ARHGAP17: variants seen among roughly 807,000 people sequenced by gnomAD.
ARHGAP17 encodes Rho GTPase activating protein 17, also known as rho GTPase-activating protein 17.
ARHGAP17 carries 57 observed loss-of-function variants against 99.5 expected under a neutral mutation model. The ratio of observed to expected loss-of-function variants is 0.57; its 90% confidence interval spans 0.46 to 0.71. ARHGAP17 has a LOEUF of 0.71. ARHGAP17 is among the 30% of genes least tolerant of loss of function. ARHGAP17 has a pLI of 0.00. For synonymous variants in ARHGAP17, 417 were observed against 429.6 expected (o/e 0.97, Z 0.36); for missense variants, 1,000 against 1,122.4 (o/e 0.89, Z 1.56).
chr16:24,967,353 G>A (rs866457580), intron 6 of ARHGAP17, among the ~76,000 whole-genome samples: 15 of 152,212 alleles, frequency 9.9e-5, no homozygotes, highest in Non-Finnish European at 1.6e-4. Context: ...ACAACAGGGA[G>A]CAACTGGGTT....
At position 24,935,487 on chromosome 16, in the gene ARHGAP17, G is replaced by C. The variant is rs773078183; in HGVS notation, c.1877C>G (p.Pro626Arg). 6.2e-7 allele frequency: 1 copy of C among 1,605,362 alleles called. No homozygotes were observed. The highest frequency in any genetic ancestry group is 8.5e-7 in the Non-Finnish European group (1 of 1,175,950). ...GQPHNAAGPS[P>R]HTLRRAVKKP... is the part of the protein sequence containing the mutation. ...CTGCTTACCTCGGCGCAGTGTATGC[G>C]GGCTGGGCCCTGCAGCATTGTGAGG... The change falls in exon 18 of 20, where the codon CCG becomes CGG. Residue 626 changes from proline to arginine, a missense_variant. By Grantham distance (103) the Pro-to-Arg change is moderately radical. Coordinates refer to ENST00000289968, the MANE Select transcript of ARHGAP17 (RefSeq NM_001006634.3).
chr16:24,972,952 T>A (rs72772303), intron 3 of ARHGAP17, among the ~76,000 whole-genome samples: 2 of 142,706 alleles, frequency 1.4e-5, no homozygotes, highest in African/African-American at 5.2e-5. Flanking sequence ...TTTTTTTTTT[T>A]AAGACAGGGT....
chr16:24,980,974 G>A (rs1359144728), intron 1 of ARHGAP17, among the ~76,000 whole-genome samples: 3 of 152,154 alleles, frequency 2.0e-5, no homozygotes, highest in Non-Finnish European at 4.4e-5. Flanking sequence ...CTGAGAATCA[G>A]AACAAATATG....
At chr16:24,978,024 C>G (rs904732224) in intron 2 of ARHGAP17, among the ~76,000 whole-genome samples, 13 of 152,152 alleles carry the variant, frequency 8.5e-5, no homozygotes, top group African/African-American at 2.7e-4. Flanking sequence ...CTCAAAAGGG[C>G]AGCGTTTCTT....
intron 18 of ARHGAP17, among the ~76,000 whole-genome samples, chr16:24,932,502 A>G (rs377076101): frequency 1.2e-4 from 18 of 152,034 alleles, no homozygotes; most frequent in African/African-American, 4.3e-4. Context: ...ACCAAGCATG[A>G]CTAGTTCACC....
intron 1 of ARHGAP17, among the ~76,000 whole-genome samples, chr16:25,007,030 C>T (rs2141518332): frequency 6.6e-6 from 1 of 152,302 alleles, no homozygotes; most frequent in African/African-American, 2.4e-5. Context: ...CCCAATGTTA[C>T]TTCAGATCAC....
chr16:24,954,846 G>C, intron 9 of ARHGAP17, 116 bp from the exon 10 acceptor site: 2 of 1,388,180 alleles, frequency 1.4e-6, no homozygotes, highest in Non-Finnish European at 2.0e-6. Context: ...GGCTGTGCAA[G>C]AGGGGATACA....
At chr16:24,984,311 A>C (rs181989557) in intron 1 of ARHGAP17, among the ~76,000 whole-genome samples, 398 of 152,278 alleles carry the variant, frequency 2.6e-3, no homozygotes, top group Non-Finnish European at 4.4e-3. Context: ...ATGAGGGCAG[A>C]GAGAGAGCTC....
chr16:24,952,163 A>G, intron 12 of ARHGAP17, 126 bp downstream of exon 12: 1 of 638,070 alleles, frequency 1.6e-6, no homozygotes, highest in South Asian at 2.4e-5. Context: ...AAGAGCTGAG[A>G]CATGTATTAT....
Position 24,931,392 on chromosome 16 carries a change from G to T in ARHGAP17, c.1907C>A (p.Pro636His), listed in dbSNP as rs370592030. 3.2e-5 allele frequency: 48 copies of T among 1,507,322 alleles called. No individual in the cohort carries two copies. The African/African-American group carries it at 6.2e-4, about 19-fold the overall frequency. 93.4% of individuals were successfully genotyped at this position (1,507,322 alleles called of 1,614,324 possible). A position where few individuals can be genotyped will look rare whatever the true frequency, so the allele number is the denominator to read the frequency against. The stretch of plus-strand genomic sequence containing the variant: ...GCCCGGTTTCGGGGGTGCTGGAGCG[G>T]GTTTTTTAACAGCTGCACAAAAAGA... ...PHTLRRAVKK[P>H]APAPPKPGNP... The change falls in exon 19 of 20, where the codon CCC becomes CAC. Residue 636 changes from proline to histidine, a missense_variant. By Grantham distance (77) the Pro-to-His change is moderately conservative. Coordinates refer to ENST00000289968, the MANE Select transcript of ARHGAP17 (RefSeq NM_001006634.3).
Position 24,931,032 on chromosome 16 carries a change from T to C in ARHGAP17, c.2267A>G (p.Gln756Arg). 1 of 1,606,110 alleles carries C rather than the reference T, an allele frequency of 6.2e-7. No homozygotes were observed. Among genetic ancestry groups the C allele is most frequent in the Non-Finnish European group, 8.5e-7 (1 of 1,176,270 alleles). Residue 756 changes from glutamine (Q) to arginine (R), a missense_variant, in exon 19 of 20, where the codon CAG (glutamine) becomes CGG (arginine). Gln to Arg is a conservative substitution (Grantham distance 43). Transcript: ENST00000289968. The stretch of plus-strand genomic sequence containing the variant: ...CGGAGTACTGGGGGGCGTTGGAGTC[T>C]GGGGAGGGGTGTGAGATGGCTGCTC... ...GLEQPSHTPP[Q>R]TPTPPSTPPL...
intron 10 of ARHGAP17, among the ~76,000 whole-genome samples, chr16:24,953,683 C>T (rs1388449217): frequency 6.6e-6 from 1 of 152,172 alleles, no homozygotes; most frequent in Non-Finnish European, 1.5e-5. Context: ...CTCTTTTCGT[C>T]ATAAATTACC....
At position 24,927,550 on chromosome 16, in the gene ARHGAP17, C is replaced by T. The variant is rs148626502; in HGVS notation, c.2515+3234G>A. On this transcript the variant is annotated intron_variant, in intron 19 of 19. Transcript: ENST00000289968. ...AGCAAGCATCAACAAAGCCAGTCCT[C>T]CTTCAGTGCATGCACTATTAGTAGG... 2.6e-4 allele frequency: 57 copies of T among 217,144 alleles called. No individual in the cohort carries two copies. In the East Asian group the frequency reaches 6.9e-3, roughly 26 times the overall value. 13.5% of individuals were successfully genotyped at this position (217,144 alleles called of 1,614,324 possible). A position where few individuals can be genotyped will look rare whatever the true frequency, so the allele number is the denominator to read the frequency against.
At chr16:24,941,419 A>G (rs1460143487) in intron 16 of ARHGAP17, among the ~76,000 whole-genome samples, 1 of 152,174 alleles carries the variant, frequency 6.6e-6, no homozygotes, top group Non-Finnish European at 1.5e-5. Flanking sequence ...TGCCCATAGA[A>G]AAGAGTATAT....
chr16:24,931,008 G>C lies in ARHGAP17; in HGVS notation c.2291C>G (p.Pro764Arg). The change falls in exon 19 of 20, where the codon CCG becomes CGG. Residue 764 changes from proline to arginine, a missense_variant. By Grantham distance (103) the Pro-to-Arg change is moderately radical. Around this residue, in one of 2 missense-constraint regions of ARHGAP17, gnomAD observed 528 missense variants for 511.4 expected, o/e 1.03. Transcript: ENST00000289968. ...ACTGGGGTTCTGTTTTCCTAGGGGC[G>C]GAGTACTGGGGGGCGTTGGAGTCTG... ...PPQTPTPPST[P>R]PLGKQNPSLP... 2.5e-6 allele frequency: 4 copies of C among 1,613,478 alleles called. No homozygotes were observed. The highest frequency in any genetic ancestry group is 3.4e-6 in the Non-Finnish European group (4 of 1,179,726).
chr16:25,015,188 C>G (rs762352950), intron 1 of ARHGAP17, 21 bp downstream of exon 1: 11 of 1,299,402 alleles, frequency 8.5e-6, no homozygotes, highest in South Asian at 7.1e-5. Flanking sequence ...GTGCGACCCC[C>G]GTGCTGCCCG....
chr16:24,950,455 G>A (rs548058011), intron 12 of ARHGAP17, among the ~76,000 whole-genome samples: 1 of 152,232 alleles, frequency 6.6e-6, no homozygotes, highest in Admixed American at 6.5e-5. Context: ...GGGTTCCAAG[G>A]ATACGTGATG....
At chr16:24,973,298 TCTTCC>T (rs2052422342) in intron 3 of ARHGAP17, among the ~76,000 whole-genome samples, 1 of 152,210 alleles carries the variant, frequency 6.6e-6, no homozygotes, top group Admixed American at 6.5e-5. Context: ...CATGTCTCTC[TCTTCC>T]CTTCTATTCT....
chr16:24,939,265 G>T, intron 17 of ARHGAP17, 99 bp downstream of exon 17: 2 of 1,098,334 alleles, frequency 1.8e-6, no homozygotes, highest in Non-Finnish European at 2.5e-6. Context: ...CTCCATGCTG[G>T]AGCAGTTCTT....
Sources: gnomAD v4.1 joint callset for allele counts (sites outside exome capture counted in the v4.1 genomes callset) on GRCh38, gnomAD v4.1.1 for gene constraint, gnomAD v4.1.1 regional missense constraint, MANE v1.5 for transcripts, NCBI Gene and HGNC (gene_info 2026-07-23, HGNC 2026-07-21) for gene names.